The following AUTS2 variants were observed in gnomAD, a reference collection of about 807,000 sequenced individuals.
The protein encoded by AUTS2 is activator of transcription and developmental regulator AUTS2.
A neutral mutation model predicts 112.4 loss-of-function variants in AUTS2; 17 were observed. The observed-to-expected ratio is 0.15, with a 90% CI of 0.10 to 0.23. The LOEUF is 0.23. AUTS2 is among the 10% of genes least tolerant of loss of function. The probability of loss-of-function intolerance (pLI) is 1.00; values close to 1 mark genes in which losing one functional copy is unlikely to be tolerated. For synonymous variants in AUTS2, 751 were observed against 702.7 expected, an observed-to-expected ratio of 1.07 and a Z score of -1.09; for missense variants, 1,510 against 1,701.6, an observed-to-expected ratio of 0.89 and a Z score of 1.98.
chr7:69,880,139 A>G (rs545083987), intron 1 of AUTS2, among the ~76,000 whole-genome samples: 3 of 152,302 alleles, frequency 2.0e-5, no homozygotes, highest in African/African-American at 7.2e-5. Flanking sequence ...GGAAGCAGGC[A>G]CATCTTACGT....
chr7:70,458,185 G>C (rs78543513), intron 5 of AUTS2, among the ~76,000 whole-genome samples: 4,643 of 152,256 alleles, frequency 0.03, 111 homozygotes, highest in Non-Finnish European at 0.048. Context: ...AGCCTGGAGT[G>C]GCCCACAGCA....
chr7:69,963,272 T>C (rs1321669573), intron 2 of AUTS2, among the ~76,000 whole-genome samples: 1 of 152,182 alleles, frequency 6.6e-6, no homozygotes, highest in Non-Finnish European at 1.5e-5. Context: ...TGTGTTTTTA[T>C]GAACTTTTAA....
chr7:70,768,132 C>T, intron 10 of AUTS2, 64 bp downstream of exon 10: 2 of 1,468,842 alleles, frequency 1.4e-6, no homozygotes, highest in Non-Finnish European at 1.9e-6. Context: ...GCTCTTGCCA[C>T]AGATCAGTCA....
intron 5 of AUTS2, among the ~76,000 whole-genome samples, chr7:70,627,501 G>T (rs1435734174): frequency 6.6e-6 from 1 of 152,190 alleles, no homozygotes; most frequent in Non-Finnish European, 1.5e-5. Context: ...TGTTTTTAAT[G>T]TGCAAACATA....
At chr7:70,369,431 G>A (rs1341212246) in intron 4 of AUTS2, among the ~76,000 whole-genome samples, 1 of 152,150 alleles carries the variant, frequency 6.6e-6, no homozygotes, top group Non-Finnish European at 1.5e-5. Flanking sequence ...TTTTGGGGAA[G>A]AGTTTCATGG....
At chr7:70,152,436 T>C (rs1807492776) in intron 4 of AUTS2, among the ~76,000 whole-genome samples, 1 of 151,472 alleles carries the variant, frequency 6.6e-6, no homozygotes. Flanking sequence ...CAGATTTTTT[T>C]TTTTCTGGAA....
At chr7:70,091,219 T>C (rs945608612) in intron 2 of AUTS2, among the ~76,000 whole-genome samples, 1 of 152,192 alleles carries the variant, frequency 6.6e-6, no homozygotes, top group Non-Finnish European at 1.5e-5. Flanking sequence ...ATATAACCTG[T>C]CATTTTTCCC....
chr7:70,338,797 T>C (rs892524662), intron 4 of AUTS2, among the ~76,000 whole-genome samples: 1 of 151,818 alleles, frequency 6.6e-6, no homozygotes, highest in Non-Finnish European at 1.5e-5. Context: ...GACTCTCTAC[T>C]AGGCTGTTCC....
chr7:70,290,305 A>G, intron 4 of AUTS2: 1 of 1,420,426 alleles, frequency 7.0e-7, no homozygotes, highest in Non-Finnish European at 9.2e-7. Context: ...TTAGCACAGT[A>G]TTATATCAGA....
At chr7:70,605,047 G>A (rs552257272) in intron 5 of AUTS2, among the ~76,000 whole-genome samples, 17 of 152,142 alleles carry the variant, frequency 1.1e-4, no homozygotes, top group South Asian at 4.1e-4. Flanking sequence ...GTTTTAGGGC[G>A]GTTCCATTAA....
intron 2 of AUTS2, among the ~76,000 whole-genome samples, chr7:70,054,318 C>G (rs1447553161): frequency 6.6e-6 from 1 of 152,194 alleles, no homozygotes; most frequent in Non-Finnish European, 1.5e-5. Context: ...CTTCTATCTT[C>G]TCTTTCTCAC....
At chr7:69,664,817 C>G (rs1251218956) in intron 1 of AUTS2, among the ~76,000 whole-genome samples, 1 of 152,140 alleles carries the variant, frequency 6.6e-6, no homozygotes, top group Non-Finnish European at 1.5e-5. Context: ...TTTCTTCCAC[C>G]TGGCTTCATA....
intron 4 of AUTS2, among the ~76,000 whole-genome samples, chr7:70,142,296 C>T (rs1806909459): frequency 1.3e-5 from 2 of 152,172 alleles, no homozygotes; most frequent in African/African-American, 4.8e-5. Flanking sequence ...TAATGAGCCA[C>T]TAGGCAAGAG....
chr7:70,170,639 C>T (rs1808629807), intron 4 of AUTS2, among the ~76,000 whole-genome samples: 1 of 150,140 alleles, frequency 6.7e-6, no homozygotes, highest in South Asian at 2.1e-4. Flanking sequence ...TCTTGTCCCC[C>T]AGGCTGGAGT....
At chr7:70,632,491 C>T (rs1265370188) in intron 5 of AUTS2, among the ~76,000 whole-genome samples, 1 of 151,802 alleles carries the variant, frequency 6.6e-6, no homozygotes, top group Non-Finnish European at 1.5e-5. Flanking sequence ...CCCTTCTCTG[C>T]TCTCTTCTCT....
At chr7:70,078,530 G>A (rs915429760) in intron 2 of AUTS2, among the ~76,000 whole-genome samples, 4 of 152,164 alleles carry the variant, frequency 2.6e-5, no homozygotes, top group African/African-American at 7.2e-5. Flanking sequence ...CATCAAGGCA[G>A]TATTTTCTTT....
intron 4 of AUTS2, among the ~76,000 whole-genome samples, chr7:70,432,216 C>A (rs149464407): frequency 3.3e-5 from 5 of 152,166 alleles, no homozygotes; most frequent in African/African-American, 1.2e-4. Context: ...TGGTCAAATC[C>A]GCTGGGACGC....
chr7:70,158,481 G>C (rs988647803), intron 4 of AUTS2, among the ~76,000 whole-genome samples: 2 of 152,208 alleles, frequency 1.3e-5, no homozygotes, highest in African/African-American at 4.8e-5. Flanking sequence ...GGATAACCAA[G>C]TATCTGCTTT....
chr7:70,060,549 A>G (rs1802197089), intron 2 of AUTS2, among the ~76,000 whole-genome samples: 1 of 152,206 alleles, frequency 6.6e-6, no homozygotes, highest in Non-Finnish European at 1.5e-5. Context: ...GAGAAATTGT[A>G]CTAACAGTTA....
Sources: gnomAD v4.1 joint callset for allele counts (sites outside exome capture counted in the v4.1 genomes callset) on GRCh38, gnomAD v4.1.1 for gene constraint, MANE v1.5 for transcripts, NCBI Gene and HGNC (gene_info 2026-07-23, HGNC 2026-07-21) for gene names.